Variants in PARP4 observed in about 807,000 individuals in gnomAD.
The protein encoded by PARP4 is protein mono-ADP-ribosyltransferase PARP4.
In PARP4, 120 loss-of-function variants were observed where a neutral mutation model predicts 187.7. That is an observed-to-expected ratio of 0.64 (90% CI 0.55 to 0.74). The LOEUF (loss-of-function observed/expected upper bound fraction) is 0.74, where lower values mean the gene tolerates loss of function less well. Among genes scored for constraint, PARP4 ranks in the 30% least tolerant of loss-of-function variants. PARP4 has a pLI of 0.00. For synonymous variants in PARP4, 654 were observed against 740.9 expected (o/e 0.88, Z 1.90); for missense variants, 1,836 against 2,070.5 (o/e 0.89, Z 2.20).
At chr13:24,456,143 C>T (rs1871835029) in intron 21 of PARP4, among the ~76,000 whole-genome samples, 198 bp downstream of exon 21, 1 of 152,138 alleles carries the variant, frequency 6.6e-6, no homozygotes, top group Non-Finnish European at 1.5e-5. Context: ...AAATCATCCA[C>T]ATAAGGGTTT....
Position 24,486,226 on chromosome 13 carries a change from T to G in PARP4, c.1294A>C (p.Asn432His), listed in dbSNP as rs745958279. ...ETTEFLSKLG[N>H]VRPLLHGSPV... ...GAACCATGCAACAAGGGCCTCACATTACCAAGTTTGCTCAAAAACTCTGTG... is the reference window on the plus strand; with the variant it reads ...GAACCATGCAACAAGGGCCTCACATGACCAAGTTTGCTCAAAAACTCTGTG... Residue 432 changes from asparagine (N) to histidine (H), a missense_variant, in exon 11 of 34, where the codon AAT becomes CAT. Physicochemically the swap from Asn to His is moderately conservative, Grantham distance 68. Coordinates refer to ENST00000381989, the MANE Select transcript of PARP4 (RefSeq NM_006437.4). The G allele has an allele frequency of 1.2e-6, 2 of 1,613,954 alleles. No homozygotes were observed. The highest frequency in any genetic ancestry group is 1.7e-6 in the Non-Finnish European group (2 of 1,179,832).
chr13:24,510,532 C>T (rs1299305192), intron 1 of PARP4, among the ~76,000 whole-genome samples: 3 of 122,186 alleles, frequency 2.5e-5, no homozygotes, highest in African/African-American at 6.6e-5. Context: ...CCAGCCTGGG[C>T]GACAGAGCGA....
intron 3 of PARP4, among the ~76,000 whole-genome samples, chr13:24,501,089 C>T (rs1356421599): frequency 2.0e-5 from 3 of 152,162 alleles, no homozygotes; most frequent in African/African-American, 7.2e-5. Flanking sequence ...CAAGTCAGTA[C>T]GGTATCTAAC....
rs542210758 is a variant in PARP4 at position 24,443,858 on chromosome 13, T to G, written c.3367-128A>C. 98 of 668,684 alleles carry G rather than the reference T, an allele frequency of 1.5e-4. 1 individual carries two copies. The South Asian group carries it at 1.6e-3, about 11-fold the overall frequency. The allele number at this position is 668,684 out of a possible 1,614,324, so 41.4% of individuals were successfully genotyped here. ...AAATGCACTCCTCTTAAATACACAGTTTGATGAGTCTTAAGGGATGTATAC... is the reference window on the plus strand; with the variant it reads ...AAATGCACTCCTCTTAAATACACAGGTTGATGAGTCTTAAGGGATGTATAC... On this transcript the variant is annotated intron_variant, in intron 27 of 33. Transcript: ENST00000381989.
Position 24,500,305 on chromosome 13 carries a change from A to T in PARP4, c.401+11T>A. On this transcript the variant is annotated intron_variant, in intron 4 of 33. Transcript: ENST00000381989. Reference sequence around the variant, plus strand: ...CTGTAGAGTCCCAGGAATCAGAAAGAAGTAAATTACTCAGTGAGTTCCACA... The same window carrying T: ...CTGTAGAGTCCCAGGAATCAGAAAGTAGTAAATTACTCAGTGAGTTCCACA... 1 of 1,536,462 alleles carries T rather than the reference A, an allele frequency of 6.5e-7. No individual in the cohort carries two copies. The highest frequency in any genetic ancestry group is 1.8e-5 in the Admixed American group (1 of 55,074).
intron 12 of PARP4, among the ~76,000 whole-genome samples, chr13:24,479,082 ATGT>A (rs1873129563): frequency 6.6e-6 from 1 of 152,218 alleles, no homozygotes; most frequent in Non-Finnish European, 1.5e-5. Flanking sequence ...CAAATGAGAA[ATGT>A]TGTTTTATCT....
chr13:24,474,704 C>T (rs1872895324), intron 15 of PARP4, among the ~76,000 whole-genome samples: 1 of 152,170 alleles, frequency 6.6e-6, no homozygotes, highest in Admixed American at 6.5e-5. Flanking sequence ...TTCTAGGGAA[C>T]TTGACCTAAC....
chr13:24,458,932 G>C, intron 20 of PARP4, 112 bp downstream of exon 20: 1 of 753,394 alleles, frequency 1.3e-6, no homozygotes, highest in African/African-American at 1.8e-5. Context: ...AGTGCTTCTT[G>C]TTAGAAGTTT....
In PARP4 at chr13:24,494,699, C is replaced by T. The variant is rs1214175542; in HGVS notation, c.615G>A (p.Lys205=). The T allele has an allele frequency of 6.2e-7, 1 of 1,607,130 alleles. No individual in the cohort carries two copies. The highest frequency in any genetic ancestry group is 1.1e-5 in the South Asian group (1 of 89,870). The change falls in exon 7 of 34, where the codon AAG becomes AAA. Residue 205 remains lysine, a synonymous_variant. Coordinates refer to ENST00000381989, the MANE Select transcript of PARP4 (RefSeq NM_006437.4). ...ATTCACTTGCATCTTCAGAGGTTTT[C>T]TTTATAGCAAACTGTCTTCTAGTCT... ...GMETRRQFAI[K]KTSEDASEYF... is the part of the protein sequence containing the mutation.
At chr13:24,487,820 G>A (rs558738813) in intron 10 of PARP4, among the ~76,000 whole-genome samples, 69 of 152,264 alleles carry the variant, frequency 4.5e-4, no homozygotes, top group African/African-American at 1.5e-3. Context: ...GCACACCCCC[G>A]GGTGAGCAGC....
intron 1 of PARP4, among the ~76,000 whole-genome samples, chr13:24,511,529 C>G (rs73154401): frequency 6.6e-6 from 1 of 152,104 alleles, no homozygotes. Context: ...AAACCCTCAG[C>G]GCGCCTCCTC....
At chr13:24,474,674 A>G (rs1337952976) in intron 15 of PARP4, among the ~76,000 whole-genome samples, 2 of 152,056 alleles carry the variant, frequency 1.3e-5, no homozygotes, top group African/African-American at 4.8e-5. Flanking sequence ...CCTGAAAACA[A>G]ATTCCATCCA....
At chr13:24,489,873 G>A (rs771731366) in intron 10 of PARP4, among the ~76,000 whole-genome samples, 6 of 152,094 alleles carry the variant, frequency 3.9e-5, no homozygotes, top group African/African-American at 7.2e-5. Flanking sequence ...AATCCTCCCC[G>A]TGTCCAATTT....
At chr13:24,437,792 T>C (rs1206665862) in intron 30 of PARP4, among the ~76,000 whole-genome samples, 4 of 139,520 alleles carry the variant, frequency 2.9e-5, no homozygotes, top group African/African-American at 8.2e-5. Context: ...TGCTCTGTGA[T>C]AGAGCCTGTG....
Position 24,501,642 on chromosome 13 carries a change from T to C in PARP4, c.325A>G (p.Ser109Gly). ...DITPPPDQKA[S>G]SSEVKTEGLC... ...GCTATGAAATACCTACCAGAACTGC[T>C]CGCCTTCTGATCAGGAGGTGGTGTG... is the stretch of plus-strand genomic sequence containing the variant. The change falls in exon 3 of 34, where the codon AGC (serine) becomes GGC (glycine). Residue 109 changes from serine (S) to glycine (G), a missense_variant. Ser to Gly is a moderately conservative substitution (Grantham distance 56). Around this residue, in one of 8 missense-constraint regions of PARP4, gnomAD observed 1,147 missense variants for 1,214.2 expected, o/e 0.94. Coordinates refer to ENST00000381989, the MANE Select transcript of PARP4 (RefSeq NM_006437.4). 1 of 1,610,252 alleles carries C rather than the reference T, an allele frequency of 6.2e-7. No homozygotes were observed. Among genetic ancestry groups the C allele is most frequent in the Non-Finnish European group, 8.5e-7 (1 of 1,176,470 alleles).
Position 24,490,662 on chromosome 13 carries a change from G to T in PARP4, c.1214+6C>A. The stretch of plus-strand genomic sequence containing the variant: ...ACAGATCCTGAGATATTTCCTTTAT[G>T]CTTACCTGTGATGATTCTGCAAAAC... On this transcript the variant is annotated splice_donor_region_variant and intron_variant, in intron 10 of 33. Transcript: ENST00000381989. The T allele has an allele frequency of 6.2e-7, 1 of 1,606,232 alleles. No individual in the cohort carries two copies. The highest frequency in any genetic ancestry group is 8.5e-7 in the Non-Finnish European group (1 of 1,173,208).
chr13:24,447,797 T>C (rs1180986865), intron 25 of PARP4, among the ~76,000 whole-genome samples: 1 of 152,242 alleles, frequency 6.6e-6, no homozygotes, highest in East Asian at 1.9e-4. Context: ...CCAAAGAAGA[T>C]ACACAAAAGC....
Position 24,459,997 on chromosome 13 carries a change from T to C in PARP4, c.2273A>G (p.Asp758Gly). Residue 758 changes from aspartate to glycine, a missense_variant, in exon 18 of 34, where the codon GAC (aspartate) becomes GGC (glycine). By Grantham distance (94) the Asp-to-Gly change is moderately conservative (BLOSUM62 -1). Around this residue, in one of 8 missense-constraint regions of PARP4, gnomAD observed 1,147 missense variants for 1,214.2 expected, o/e 0.94. Transcript: ENST00000381989. Reference sequence around the variant, plus strand: ...CTGAAGGTTTTCATTCAAAGCCTTGTCCTGTTGCCAGGGTGCTACGGTGGC... The same window carrying C: ...CTGAAGGTTTTCATTCAAAGCCTTGCCCTGTTGCCAGGGTGCTACGGTGGC... ...MPATVAPWQQ[D>G]KALNENLQDT... is the part of the protein sequence containing the mutation. 1 of 1,614,134 alleles carries C rather than the reference T, an allele frequency of 6.2e-7. No homozygotes were observed. Among genetic ancestry groups the C allele is most frequent in the Non-Finnish European group, 8.5e-7 (1 of 1,180,006 alleles).
At chr13:24,449,110 C>A (rs570143561) in intron 25 of PARP4, among the ~76,000 whole-genome samples, 1 of 152,166 alleles carries the variant, frequency 6.6e-6, no homozygotes, top group East Asian at 1.9e-4. Context: ...TTAAAATGGC[C>A]AGGCGCGGTG....
Sources: gnomAD v4.1 joint callset for allele counts (sites outside exome capture counted in the v4.1 genomes callset) on GRCh38, gnomAD v4.1.1 for gene constraint, gnomAD v4.1.1 regional missense constraint, MANE v1.5 for transcripts, NCBI Gene and HGNC (gene_info 2026-07-23, HGNC 2026-07-21) for gene names.